FAF2: variants seen among roughly 807,000 people sequenced by gnomAD.
FAF2 encodes Fas associated factor family member 2, also known as FAS-associated factor 2.
Under a neutral mutation model 62.3 loss-of-function variants are expected in FAF2, and 9 were observed. The observed-to-expected ratio is 0.14, with a 90% CI of 0.09 to 0.25. FAF2 has a LOEUF of 0.25. FAF2 is among the 10% of genes least tolerant of loss of function. The pLI, the probability that FAF2 is intolerant of heterozygous loss-of-function variation, is 1.00. For synonymous variants in FAF2, 202 were observed against 198.0 expected (o/e 1.02, Z -0.17); for missense variants, 368 against 556.2 (o/e 0.66, Z 3.40).
intron 1 of FAF2, among the ~76,000 whole-genome samples, chr5:176,459,509 C>T (rs1428935718): frequency 6.6e-6 from 1 of 152,120 alleles, no homozygotes; most frequent in Non-Finnish European, 1.5e-5. Context: ...AAGCGATCTG[C>T]CTGCCTCAGC....
chr5:176,457,727 C>T (rs977440684), intron 1 of FAF2, among the ~76,000 whole-genome samples: 4 of 151,622 alleles, frequency 2.6e-5, no homozygotes, highest in African/African-American at 9.7e-5. Context: ...CAGAAATCAC[C>T]GTGAACACTT....
At chr5:176,462,138 T>C (rs2113720252) in intron 1 of FAF2, among the ~76,000 whole-genome samples, 1 of 151,568 alleles carries the variant, frequency 6.6e-6, no homozygotes, top group African/African-American at 2.4e-5. Context: ...CAGCCAGGCG[T>C]GGTGGCAAGC....
At chr5:176,469,830 A>C (rs1299069498) in intron 1 of FAF2, among the ~76,000 whole-genome samples, 1 of 152,202 alleles carries the variant, frequency 6.6e-6, no homozygotes, top group African/African-American at 2.4e-5. Context: ...AGAGTGTATT[A>C]AGTTTATGAA....
intron 2 of FAF2, among the ~76,000 whole-genome samples, chr5:176,485,861 G>A (rs556623350): frequency 1.2e-4 from 19 of 152,122 alleles, no homozygotes; most frequent in African/African-American, 4.1e-4. Flanking sequence ...TTGAGCCACC[G>A]CGCCTGACCT....
rs535838779 is a variant in FAF2, at chr5:176,494,558, T to C, written c.661+283T>C. Among the ~76,000 whole-genome samples the C allele has an allele frequency of 2.2e-4, 34 of 152,110 alleles. No homozygotes were observed. The highest frequency in any genetic ancestry group is 4.1e-4 in the Non-Finnish European group (28 of 68,012). On this transcript the variant is annotated intron_variant, in intron 7 of 10. Coordinates refer to ENST00000261942, the MANE Select transcript of FAF2 (RefSeq NM_014613.3). This position sits in a 1 kb window ranked among gnomAD's most constrained non-coding sequence, Gnocchi z 4.0. The stretch of plus-strand genomic sequence containing the variant: ...TTTTTTTTGTTTTTATTTAATTAAT[T>C]AAAAAAATTTTTTTGAGATGGAGTC...
At chr5:176,506,367 G>T (rs1445795840) in intron 10 of FAF2, among the ~76,000 whole-genome samples, 1 of 152,108 alleles carries the variant, frequency 6.6e-6, no homozygotes, top group Non-Finnish European at 1.5e-5. Context: ...CTATTAGTCC[G>T]TGATCACCTC....
At chr5:176,502,018 A>G (rs1360653008) in intron 10 of FAF2, among the ~76,000 whole-genome samples, 1 of 151,892 alleles carries the variant, frequency 6.6e-6, no homozygotes, top group East Asian at 1.9e-4. Context: ...CGGCCTCCCA[A>G]AGTGTTGGGA....
chr5:176,481,208 G>A (rs1203967386), intron 2 of FAF2, among the ~76,000 whole-genome samples: 5 of 152,040 alleles, frequency 3.3e-5, no homozygotes, highest in East Asian at 2.0e-4. Context: ...CACCACGCCC[G>A]GCTAATTTTT....
chr5:176,496,258 C>T (rs1755475125), intron 7 of FAF2, among the ~76,000 whole-genome samples: 2 of 152,144 alleles, frequency 1.3e-5, no homozygotes, highest in African/African-American at 4.8e-5. Flanking sequence ...GTGGGAGGGT[C>T]ACTTGAGCCC....
At chr5:176,468,670 C>T (rs944549278) in intron 1 of FAF2, among the ~76,000 whole-genome samples, 1 of 151,972 alleles carries the variant, frequency 6.6e-6, no homozygotes, top group Non-Finnish European at 1.5e-5. Flanking sequence ...CATTGGTTCA[C>T]ACCTGTAATC....
chr5:176,483,215 C>T (rs1012769346), intron 2 of FAF2, among the ~76,000 whole-genome samples: 5 of 152,074 alleles, frequency 3.3e-5, no homozygotes, highest in Admixed American at 6.6e-5. Flanking sequence ...TGCTATCTTG[C>T]CGCATTCATG....
chr5:176,465,446 C>T (rs1758450762), intron 1 of FAF2, among the ~76,000 whole-genome samples: 1 of 148,512 alleles, frequency 6.7e-6, no homozygotes, highest in African/African-American at 2.5e-5. Context: ...TGGCTCACTG[C>T]AGCCTCCACC....
chr5:176,495,226 A>G (rs886246287), intron 7 of FAF2, among the ~76,000 whole-genome samples: 1 of 152,190 alleles, frequency 6.6e-6, no homozygotes, highest in Non-Finnish European at 1.5e-5. Context: ...AGTTTATATT[A>G]GCATGCCACA....
rs751775026 is a variant in FAF2, at chr5:176,458,408, CTTTTTTTTTT to C, written c.63+9948_63+9957del. On this transcript the variant is annotated intron_variant, in intron 1 of 10. Transcript: ENST00000261942. Reference sequence around the variant, plus strand: ...CAGAATAATATTTTTCTTTTTCTTCCTTTTTTTTTTTTTTTTTTTGAGACGGAGTCTCACT... The same window carrying C: ...CAGAATAATATTTTTCTTTTTCTTCCTTTTTTTTTGAGACGGAGTCTCACT... Among the ~76,000 whole-genome samples, 12 of 86,390 alleles carry C rather than the reference CTTTTTTTTTT, an allele frequency of 1.4e-4. 1 individual carries two copies. The South Asian group carries it at 4.7e-3, about 34-fold the overall frequency. 56.7% of individuals were successfully genotyped at this position (86,390 alleles called of 152,430 possible).
At chr5:176,465,041 C>G (rs1758439562) in intron 1 of FAF2, among the ~76,000 whole-genome samples, 1 of 152,148 alleles carries the variant, frequency 6.6e-6, no homozygotes, top group South Asian at 2.1e-4. Context: ...GCATGCGCCA[C>G]TACCACGCCC....
At chr5:176,463,213 G>A (rs1009567550) in intron 1 of FAF2, among the ~76,000 whole-genome samples, 1 of 151,932 alleles carries the variant, frequency 6.6e-6, no homozygotes, top group Non-Finnish European at 1.5e-5. Context: ...GGCCAACATA[G>A]CAAAACCCCG....
chr5:176,508,525 G>A lies in FAF2; in HGVS notation c.*1575G>A, dbSNP rs1240202078. 6.6e-6 allele frequency: 1 copy of A among 152,160 alleles called. No individual in the cohort carries two copies. The highest frequency in any genetic ancestry group is 2.4e-5 in the African/African-American group (1 of 41,426). The allele number at this position is 152,160 out of a possible 1,614,324, so 9.4% of individuals were successfully genotyped here. ...TGGTTACTATCCACTGCAGTCCTCA[G>A]TTGTTGGGGTAAATCCCACATGGCA... On this transcript the variant is annotated 3_prime_UTR_variant, in exon 11 of 11. Transcript: ENST00000261942.
chr5:176,506,549 T>C, intron 10 of FAF2, among the ~76,000 whole-genome samples: 1 of 152,194 alleles, frequency 6.6e-6, no homozygotes, highest in East Asian at 1.9e-4. Context: ...GTAGGACTAG[T>C]GTTGGGCTTG....
intron 10 of FAF2, among the ~76,000 whole-genome samples, chr5:176,500,789 T>TATTTA (rs1390138441): frequency 2.6e-5 from 4 of 152,216 alleles, no homozygotes; most frequent in African/African-American, 9.7e-5. Context: ...TTAGTCAGTT[T>TATTTA]ATTTAATTTC....
Sources: gnomAD v4.1 joint callset for allele counts (sites outside exome capture counted in the v4.1 genomes callset) on GRCh38, gnomAD v4.1.1 for gene constraint, Gnocchi (gnomAD v3.1) non-coding constraint, MANE v1.5 for transcripts, NCBI Gene and HGNC (gene_info 2026-07-23, HGNC 2026-07-21) for gene names.